The following SYT9 variants were observed in gnomAD, a reference collection of about 807,000 sequenced individuals.
The protein encoded by SYT9 is synaptotagmin 9.
Under a neutral mutation model 48.4 loss-of-function variants are expected in SYT9, and 22 were observed. The ratio of observed to expected loss-of-function variants is 0.45; its 90% CI spans 0.32 to 0.65. SYT9 has a LOEUF of 0.65. Ranked by LOEUF, SYT9 falls within the 30% of genes least tolerant of loss-of-function variation. The pLI, the probability that SYT9 is intolerant of heterozygous loss-of-function variation, is 0.03. For synonymous variants in SYT9, 265 were observed against 245.0 expected, an observed-to-expected ratio of 1.08 and a Z score of -0.76; for missense variants, 577 against 622.0, an observed-to-expected ratio of 0.93 and a Z score of 0.77.
intron 2 of SYT9, 106 bp from the exon 3 acceptor site, chr11:7,313,289 A>C (rs1364768125): frequency 3.3e-6 from 4 of 1,209,128 alleles, no homozygotes; most frequent in Middle Eastern, 2.2e-4. Context: ...CACAGATCTA[A>C]GCTCCTGACA....
intron 6 of SYT9, among the ~76,000 whole-genome samples, chr11:7,463,658 A>G (rs1396489500): frequency 7.9e-5 from 12 of 152,062 alleles, no homozygotes; most frequent in African/African-American, 2.9e-4. Context: ...ATGTATTGAA[A>G]CTCCTTAATC....
chr11:7,459,741 G>C (rs1207348271), intron 6 of SYT9, among the ~76,000 whole-genome samples: 1 of 152,118 alleles, frequency 6.6e-6, no homozygotes, highest in Non-Finnish European at 1.5e-5. Flanking sequence ...TGTCCTTATA[G>C]GAAAGCCATA....
At position 7,252,445 on chromosome 11, in the gene SYT9, C is replaced by A; in HGVS notation, c.145+114C>A. 1 of 1,176,826 alleles carries A rather than the reference C, an allele frequency of 8.5e-7. No individual in the cohort carries two copies. Among genetic ancestry groups the A allele is most frequent in the Non-Finnish European group, 1.1e-6 (1 of 908,128 alleles). The allele number at this position is 1,176,826 out of a possible 1,614,324, so 72.9% of individuals were successfully genotyped here. On this transcript the variant is annotated intron_variant, in intron 1 of 6. Coordinates refer to ENST00000318881, the MANE Select transcript of SYT9 (RefSeq NM_175733.4). The surrounding 1 kb of genome is among the most constrained non-coding windows in gnomAD (Gnocchi z 6.3). ...CGGACTGGGAGAGGGCGGGGGGCGG[C>A]CACCGAGCCAGGAGAGTGATCAAGA... is the stretch of plus-strand genomic sequence containing the variant.
intron 1 of SYT9, among the ~76,000 whole-genome samples, chr11:7,240,676 C>T (rs1329747720): frequency 6.6e-6 from 1 of 152,126 alleles, no homozygotes; most frequent in Non-Finnish European, 1.5e-5. Context: ...TCAAATAGGA[C>T]AAATGATATA....
intron 1 of SYT9, chr11:7,238,988 G>T: frequency 2.2e-6 from 1 of 455,032 alleles, no homozygotes; most frequent in Non-Finnish European, 4.4e-6. Flanking sequence ...CCCAGAAGTG[G>T]TGGGAGTGGT....
chr11:7,421,734 T>C (rs1847358171), intron 6 of SYT9, among the ~76,000 whole-genome samples: 1 of 152,244 alleles, frequency 6.6e-6, no homozygotes, highest in Non-Finnish European at 1.5e-5. Context: ...GGTCCAATGC[T>C]ATAATAGCTA....
intron 6 of SYT9, chr11:7,456,740 GC>G: frequency 6.6e-6 from 1 of 152,076 alleles, no homozygotes; most frequent in Non-Finnish European, 1.5e-5. Context: ...AATTTAAACA[GC>G]CCCGTCCTGT....
intron 3 of SYT9, among the ~76,000 whole-genome samples, chr11:7,353,273 A>T (rs1390415524): frequency 3.9e-5 from 6 of 151,924 alleles, no homozygotes; most frequent in Non-Finnish European, 8.8e-5. Context: ...TTCTGCAGGG[A>T]GGCACACTTC....
rs1848361773 is a variant in SYT9, at chr11:7,467,994, C to T, written c.*1194C>T. The T allele has an allele frequency of 3.1e-6, 1 of 326,676 alleles. No individual in the cohort carries two copies. The highest frequency in any genetic ancestry group is 2.1e-5 in the African/African-American group (1 of 46,916). The allele number at this position is 326,676 out of a possible 1,614,324, so 20.2% of individuals were successfully genotyped here. ...GCTATGCGCCTCATCCTCATTGCTT[C>T]TGCCTCCACGTAAATGAAACCAAAG... On this transcript the variant is annotated 3_prime_UTR_variant, in exon 7 of 7. Transcript: ENST00000318881.
At chr11:7,265,668 C>CTTT (rs386353084) in intron 1 of SYT9, among the ~76,000 whole-genome samples, 1,605 of 145,014 alleles carry the variant, frequency 0.011, 80 homozygotes, top group Admixed American at 0.084. Flanking sequence ...ATCATGGATT[C>CTTT]TTTTTTTTTT....
intron 1 of SYT9, among the ~76,000 whole-genome samples, chr11:7,270,656 C>A (rs751202316): frequency 1.3e-5 from 2 of 152,186 alleles, no homozygotes; most frequent in Non-Finnish European, 2.9e-5. Flanking sequence ...TTCTTCACAG[C>A]TTTCTGTTAA....
At chr11:7,340,236 C>T (rs1421606145) in intron 3 of SYT9, among the ~76,000 whole-genome samples, 1 of 152,104 alleles carries the variant, frequency 6.6e-6, no homozygotes, top group Non-Finnish European at 1.5e-5. Flanking sequence ...TTTATATTGG[C>T]TATTTTTTCT....
chr11:7,283,548 G>C (rs1309054196), intron 1 of SYT9, among the ~76,000 whole-genome samples: 1 of 152,096 alleles, frequency 6.6e-6, no homozygotes, highest in South Asian at 2.1e-4. Context: ...TTTGTCAAAA[G>C]CTCAGTTAAT....
chr11:7,300,725 G>A (rs1274503014), intron 1 of SYT9, among the ~76,000 whole-genome samples: 1 of 152,176 alleles, frequency 6.6e-6, no homozygotes, highest in African/African-American at 2.4e-5. Flanking sequence ...AGAGGGCGGG[G>A]ATTGATGTTT....
chr11:7,378,426 G>T (rs1000126131), intron 3 of SYT9, among the ~76,000 whole-genome samples: 2 of 152,150 alleles, frequency 1.3e-5, no homozygotes, highest in East Asian at 1.9e-4. Flanking sequence ...GAGGTAAATT[G>T]CTCCTGAGTA....
chr11:7,314,934 C>G (rs1472502863), intron 3 of SYT9, among the ~76,000 whole-genome samples: 1 of 152,224 alleles, frequency 6.6e-6, no homozygotes, highest in African/African-American at 2.4e-5. Flanking sequence ...AGACTAATCT[C>G]TGCCTAATGA....
At chr11:7,388,864 C>T (rs1850709813) in intron 3 of SYT9, among the ~76,000 whole-genome samples, 1 of 152,114 alleles carries the variant, frequency 6.6e-6, no homozygotes, top group South Asian at 2.1e-4. Context: ...GTTAACTAAC[C>T]TCCTTCCAGA....
intron 3 of SYT9, among the ~76,000 whole-genome samples, chr11:7,341,242 G>C (rs1849707347): frequency 6.6e-6 from 1 of 152,162 alleles, no homozygotes; most frequent in Non-Finnish European, 1.5e-5. Context: ...CCTTTGAGTT[G>C]GAAAACATTA....
chr11:7,298,197 C>G (rs1304905760), intron 1 of SYT9, among the ~76,000 whole-genome samples: 2 of 152,024 alleles, frequency 1.3e-5, no homozygotes, highest in South Asian at 2.1e-4. Context: ...TTTCCCAAGT[C>G]TCTGTTTTGT....
Sources: allele counts gnomAD v4.1 joint callset (sites outside exome capture counted in the v4.1 genomes callset), GRCh38; gene constraint gnomAD v4.1.1; non-coding constraint Gnocchi (gnomAD v3.1); transcripts MANE v1.5; gene names NCBI Gene and HGNC (gene_info 2026-07-23, HGNC 2026-07-21).